OSBPL5: variants seen among roughly 807,000 people sequenced by gnomAD.
The protein encoded by OSBPL5 is oxysterol-binding protein-related protein 5.
A neutral mutation model predicts 111.2 loss-of-function variants in OSBPL5; 71 were observed. The ratio of observed to expected loss-of-function variants is 0.64; its 90% CI spans 0.53 to 0.78. The LOEUF is 0.78. Ranked by LOEUF, OSBPL5 falls within the 30% of genes least tolerant of loss-of-function variation. OSBPL5 has a pLI of 0.00. For synonymous variants in OSBPL5, 549 were observed against 513.9 expected (o/e 1.07, Z -0.93); for missense variants, 1,210 against 1,189.3 (o/e 1.02, Z -0.26).
intron 7 of OSBPL5, among the ~76,000 whole-genome samples, chr11:3,115,640 C>T (rs953335215): frequency 6.6e-6 from 1 of 152,160 alleles, no homozygotes; most frequent in Non-Finnish European, 1.5e-5. Flanking sequence ...GTCAAAGGCA[C>T]ACTGATGCAA....
intron 1 of OSBPL5, among the ~76,000 whole-genome samples, chr11:3,129,581 T>G (rs1858755159): frequency 6.6e-6 from 1 of 152,198 alleles, no homozygotes; most frequent in South Asian, 2.1e-4. Context: ...GGTCTAGAGC[T>G]TCCATGGAGA....
At chr11:3,158,399 G>A (rs1446161359) in intron 1 of OSBPL5, among the ~76,000 whole-genome samples, 2 of 152,258 alleles carry the variant, frequency 1.3e-5, no homozygotes, top group East Asian at 1.9e-4. Flanking sequence ...AAGCACAAAC[G>A]GCTCTTGGTG....
chr11:3,138,799 G>A (rs1316921433), intron 1 of OSBPL5, among the ~76,000 whole-genome samples: 2 of 152,252 alleles, frequency 1.3e-5, no homozygotes, highest in Non-Finnish European at 2.9e-5. Context: ...GGGAGAAGCA[G>A]CTGGGCTGTG....
Position 3,107,732 on chromosome 11 carries a change from G to A in OSBPL5, c.866+39C>T, listed in dbSNP as rs778299268. On this transcript the variant is annotated intron_variant, in intron 8 of 21. Coordinates refer to ENST00000263650, the MANE Select transcript of OSBPL5 (RefSeq NM_020896.4). The surrounding 1 kb of genome is among the most constrained non-coding windows in gnomAD (Gnocchi z 6.1). ...TCTTCCTCGCCTACAAGGAGACCCC[G>A]TGAATCACCACCAGCCCCTGTGCCC... is the stretch of plus-strand genomic sequence containing the variant. 2.2e-5 allele frequency: 35 copies of A among 1,602,088 alleles called. No homozygotes were observed. Among genetic ancestry groups the A allele is most frequent in the Non-Finnish European group, 2.9e-5 (34 of 1,176,574 alleles).
Position 3,107,711 on chromosome 11 carries a change from C to T in OSBPL5, c.866+60G>A. On this transcript the variant is annotated intron_variant, in intron 8 of 21. Transcript: ENST00000263650. This position sits in a 1 kb window ranked among gnomAD's most constrained non-coding sequence, Gnocchi z 6.1. ...GGCTGGGGCTGTCCTCTCCCCTCTT[C>T]CTCGCCTACAAGGAGACCCCGTGAA... The T allele has an allele frequency of 6.3e-7, 1 of 1,584,568 alleles. No individual in the cohort carries two copies. Among genetic ancestry groups the T allele is most frequent in the South Asian group, 1.1e-5 (1 of 89,498 alleles).
rs1564837667 is a variant in OSBPL5, at chr11:3,112,067, GTGTGTGCA to G, written c.692-4130_692-4123del. 1.0e-4 allele frequency among the ~76,000 whole-genome samples: 8 copies of G among 77,654 alleles called. No homozygotes were observed. The South Asian group carries it at 1.4e-3, about 14-fold the overall frequency. The allele number at this position is 77,654 out of a possible 152,430, so 50.9% of individuals were successfully genotyped here. On this transcript the variant is annotated intron_variant, in intron 7 of 21. Transcript: ENST00000263650. ...CGCGCATGTGTGTGCATGTGTATGT[GTGTGTGCA>G]TGTGTGTGTGCATGTGTGTGTGCAT... is the stretch of plus-strand genomic sequence containing the variant.
At chr11:3,127,731 A>T (rs1858676826) in intron 2 of OSBPL5, among the ~76,000 whole-genome samples, 1 of 152,058 alleles carries the variant, frequency 6.6e-6, no homozygotes, top group South Asian at 2.1e-4. Context: ...CCTGGCCGGG[A>T]GGACTCAAAG....
rs78234675 is a variant in OSBPL5 at position 3,160,681 on chromosome 11, C to G, written c.-22+4535G>C. Among the ~76,000 whole-genome samples, 4 of 121,292 alleles carry G rather than the reference C, an allele frequency of 3.3e-5. No homozygotes were observed. The East Asian group carries it at 8.0e-4, about 24-fold the overall frequency. The allele number at this position is 121,292 out of a possible 152,430, so 79.6% of individuals were successfully genotyped here. On this transcript the variant is annotated intron_variant, in intron 1 of 21. Transcript: ENST00000263650. ...CTTTAAATGACAACCCTCCCCCCCC[C>G]CACCCCGCCCCCACACCGAGCGCCG... is the stretch of plus-strand genomic sequence containing the variant.
intron 21 of OSBPL5, among the ~76,000 whole-genome samples, chr11:3,088,904 C>T (rs1052705714): frequency 3.3e-5 from 5 of 152,082 alleles, no homozygotes; most frequent in South Asian, 2.1e-4. Flanking sequence ...CCTCCGGGAC[C>T]GCGAGGGAGT....
intron 1 of OSBPL5, among the ~76,000 whole-genome samples, chr11:3,157,171 G>GC (rs1846793794): frequency 1.3e-5 from 2 of 152,222 alleles, no homozygotes; most frequent in Non-Finnish European, 2.9e-5. Flanking sequence ...CCAAACACAT[G>GC]GGAGCAGACT....
intron 10 of OSBPL5, among the ~76,000 whole-genome samples, chr11:3,103,900 G>GTAGCCCCTTTC (rs1564830966): frequency 9.0e-6 from 1 of 110,634 alleles, no homozygotes; most frequent in Admixed American, 8.5e-5. Flanking sequence ...TCCTGCCTCT[G>GTAGCCCCTTTC]CAGCCCCCTT....
At chr11:3,091,073 C>T (rs1056555092) in intron 19 of OSBPL5, among the ~76,000 whole-genome samples, 5 of 152,178 alleles carry the variant, frequency 3.3e-5, no homozygotes, top group South Asian at 2.1e-4. Context: ...AGATGAAAGC[C>T]GAGGCCACTG....
intron 1 of OSBPL5, among the ~76,000 whole-genome samples, chr11:3,164,871 C>T (rs948389363): frequency 2.6e-5 from 4 of 152,126 alleles, no homozygotes; most frequent in Admixed American, 2.0e-4. Flanking sequence ...CTGGCGGTCC[C>T]GGCTCCTTTA....
intron 1 of OSBPL5, among the ~76,000 whole-genome samples, chr11:3,137,320 C>A (rs925332508): frequency 6.6e-6 from 1 of 152,218 alleles, no homozygotes. Context: ...TTCAGAGAGC[C>A]GTGGCATGCA....
chr11:3,119,041 C>T (rs1272720504), intron 7 of OSBPL5, among the ~76,000 whole-genome samples: 1 of 149,484 alleles, frequency 6.7e-6, no homozygotes, highest in African/African-American at 2.5e-5. Flanking sequence ...CGGACTTTTG[C>T]TCTTGTCACC....
At chr11:3,123,595 G>A (rs1247967658) in intron 3 of OSBPL5, among the ~76,000 whole-genome samples, 1 of 152,242 alleles carries the variant, frequency 6.6e-6, no homozygotes, top group Admixed American at 6.5e-5. Context: ...CTCTGGCTGG[G>A]CGTCTGCGGG....
intron 1 of OSBPL5, among the ~76,000 whole-genome samples, chr11:3,152,789 G>A (rs1192008339): frequency 6.6e-6 from 1 of 152,206 alleles, no homozygotes; most frequent in African/African-American, 2.4e-5. Flanking sequence ...TGTTGAGCGA[G>A]AAACAGAAGA....
At chr11:3,096,631 A>G (rs1207254233) in intron 14 of OSBPL5, among the ~76,000 whole-genome samples, 1 of 144,300 alleles carries the variant, frequency 6.9e-6, no homozygotes, top group Non-Finnish European at 1.5e-5. Context: ...AAAAAAAAAG[A>G]CAGAAAGAAA....
chr11:3,163,547 G>A (rs1388086655), intron 1 of OSBPL5, among the ~76,000 whole-genome samples: 2 of 152,154 alleles, frequency 1.3e-5, no homozygotes, highest in Non-Finnish European at 1.5e-5. Context: ...GCGGTCTTGC[G>A]TTGGTATTCT....
Sources: allele counts gnomAD v4.1 joint callset (sites outside exome capture counted in the v4.1 genomes callset), GRCh38; gene constraint gnomAD v4.1.1; non-coding constraint Gnocchi (gnomAD v3.1); transcripts MANE v1.5; gene names NCBI Gene and HGNC (gene_info 2026-07-23, HGNC 2026-07-21).